Variants in JARID2 observed in about 807,000 individuals in gnomAD.
JARID2 encodes protein Jumonji.
In JARID2, 21 loss-of-function variants were observed where a neutral mutation model predicts 125.6. The ratio of observed to expected loss-of-function variants is 0.17; its 90% confidence interval spans 0.12 to 0.24. JARID2 has a LOEUF of 0.24. Ranked by LOEUF, JARID2 falls within the 10% of genes least tolerant of loss-of-function variation. The pLI, the probability that JARID2 is intolerant of heterozygous loss-of-function variation, is 1.00. For synonymous variants in JARID2, 736 were observed against 661.6 expected, an observed-to-expected ratio of 1.11 and a Z score of -1.73; for missense variants, 1,303 against 1,639.6, an observed-to-expected ratio of 0.79 and a Z score of 3.55.
chr6:15,287,041 G>T (rs1028746557), intron 1 of JARID2, among the ~76,000 whole-genome samples: 4 of 152,106 alleles, frequency 2.6e-5, no homozygotes, highest in Non-Finnish European at 5.9e-5. Context: ...TGAACCTGAG[G>T]CTTGAACCTG....
At chr6:15,302,640 C>T (rs531049458) in intron 1 of JARID2, among the ~76,000 whole-genome samples, 1 of 152,292 alleles carries the variant, frequency 6.6e-6, no homozygotes, top group East Asian at 1.9e-4. Flanking sequence ...ATCAGGCTGT[C>T]CATTGCCTAG....
intron 4 of JARID2, among the ~76,000 whole-genome samples, chr6:15,460,247 G>T (rs930594281): frequency 3.3e-5 from 5 of 152,172 alleles, no homozygotes; most frequent in African/African-American, 1.2e-4. Flanking sequence ...CTGTGACGTT[G>T]ATCAGATGTT....
chr6:15,356,929 A>ACTTAGGAGTACTTAGCTACTTAGGAGG (rs1763618797), intron 1 of JARID2, among the ~76,000 whole-genome samples: 1 of 133,240 alleles, frequency 7.5e-6, no homozygotes, highest in African/African-American at 2.8e-5. Flanking sequence ...CAGGAGTATC[A>ACTTAGGAGTACTTAGCTACTTAGGAGG]CTTGAGCCCG....
chr6:15,258,898 C>G (rs1056200377), intron 1 of JARID2, among the ~76,000 whole-genome samples: 1 of 152,198 alleles, frequency 6.6e-6, no homozygotes, highest in Non-Finnish European at 1.5e-5. Context: ...GAAACTGTTT[C>G]TGGGTCATCT....
At chr6:15,279,225 G>C (rs1760660194) in intron 1 of JARID2, among the ~76,000 whole-genome samples, 1 of 152,104 alleles carries the variant, frequency 6.6e-6, no homozygotes, top group African/African-American at 2.4e-5. Context: ...TTAGTTTTGT[G>C]TATTCTGACT....
At chr6:15,385,276 C>T (rs17638192) in intron 2 of JARID2, among the ~76,000 whole-genome samples, 14,173 of 152,076 alleles carry the variant, frequency 0.093, 793 homozygotes, top group South Asian at 0.16. Flanking sequence ...GTGACTTGAT[C>T]TCTCTGTATG....
At chr6:15,268,821 CATT>C (rs1760188913) in intron 1 of JARID2, among the ~76,000 whole-genome samples, 1 of 152,208 alleles carries the variant, frequency 6.6e-6, no homozygotes, top group East Asian at 1.9e-4. Flanking sequence ...CAGCATCTCT[CATT>C]TAAAAGCATT....
chr6:15,382,286 C>G (rs992072679), intron 2 of JARID2, among the ~76,000 whole-genome samples: 1 of 152,140 alleles, frequency 6.6e-6, no homozygotes. Flanking sequence ...AAACCCCAAA[C>G]GAGTGTATGG....
chr6:15,408,352 G>C (rs1159524256), intron 2 of JARID2, among the ~76,000 whole-genome samples: 1 of 151,630 alleles, frequency 6.6e-6, no homozygotes, highest in Non-Finnish European at 1.5e-5. Context: ...TCTTTAACCA[G>C]CATTTTTATT....
chr6:15,345,789 G>T (rs145078439), intron 1 of JARID2, among the ~76,000 whole-genome samples: 1 of 152,176 alleles, frequency 6.6e-6, no homozygotes. Flanking sequence ...TTGTAGTTCA[G>T]CACAGCCCTT....
chr6:15,502,581 G>A (rs751018603), intron 8 of JARID2, among the ~76,000 whole-genome samples: 41 of 152,308 alleles, frequency 2.7e-4, no homozygotes, highest in Non-Finnish European at 5.1e-4. Context: ...GAGGCAATGC[G>A]GGCTTCTGAT....
At chr6:15,498,237 C>A (rs1040209232) in intron 7 of JARID2, among the ~76,000 whole-genome samples, 2 of 152,104 alleles carry the variant, frequency 1.3e-5, no homozygotes, top group African/African-American at 4.8e-5. Flanking sequence ...GATCTGTTGA[C>A]CTTTTTTCTG....
chr6:15,509,052 A>T (rs1427030350), intron 12 of JARID2: 2 of 1,288,604 alleles, frequency 1.6e-6, no homozygotes, highest in African/African-American at 3.0e-5. Context: ...ATGTGGAGAC[A>T]CGCGCGTTAT....
chr6:15,453,642 G>C (rs1361808518), intron 4 of JARID2, among the ~76,000 whole-genome samples: 2 of 152,152 alleles, frequency 1.3e-5, no homozygotes, highest in African/African-American at 4.8e-5. Context: ...AATTGTATGC[G>C]TATGGGCTTC....
chr6:15,254,352 A>T (rs1759572087), intron 1 of JARID2, among the ~76,000 whole-genome samples: 1 of 152,062 alleles, frequency 6.6e-6, no homozygotes, highest in South Asian at 2.1e-4. Context: ...TTTTTCTTGT[A>T]CTTGTATCAT....
chr6:15,334,401 T>C (rs1205960108), intron 1 of JARID2, among the ~76,000 whole-genome samples: 2 of 151,638 alleles, frequency 1.3e-5, no homozygotes, highest in African/African-American at 4.9e-5. Context: ...ATAAAAATGT[T>C]TTTTCTATAT....
intron 2 of JARID2, among the ~76,000 whole-genome samples, chr6:15,375,616 C>T (rs1356399135): frequency 1.3e-5 from 2 of 152,222 alleles, no homozygotes; most frequent in Non-Finnish European, 2.9e-5. Flanking sequence ...CCATTCGTTG[C>T]TTGTAATACA....
chr6:15,436,384 C>T (rs529410208), intron 3 of JARID2, among the ~76,000 whole-genome samples: 194 of 152,338 alleles, frequency 1.3e-3, no homozygotes, highest in African/African-American at 4.4e-3. Flanking sequence ...CTTCTGCGGC[C>T]GTGCTCTCCA....
intron 1 of JARID2, among the ~76,000 whole-genome samples, chr6:15,327,636 G>T (rs1473778560): frequency 6.6e-6 from 1 of 152,056 alleles, no homozygotes; most frequent in Non-Finnish European, 1.5e-5. Context: ...TAAGAATGAG[G>T]GAGGGAGGTC....
Sources: gnomAD v4.1 joint callset for allele counts (sites outside exome capture counted in the v4.1 genomes callset) on GRCh38, gnomAD v4.1.1 for gene constraint, MANE v1.5 for transcripts, NCBI Gene and HGNC (gene_info 2026-07-23, HGNC 2026-07-21) for gene names.